The following PRELP variants were observed in gnomAD, a reference collection of about 807,000 sequenced individuals.
The protein encoded by PRELP is prolargin.
Under a neutral mutation model 22.8 loss-of-function variants are expected in PRELP, and 16 were observed. The ratio of observed to expected loss-of-function variants is 0.70; its 90% CI spans 0.47 to 1.06. PRELP has a LOEUF of 1.06. Among genes scored for constraint, PRELP ranks in the 50% least tolerant of loss-of-function variants. PRELP has a pLI of 0.00. For missense variants in PRELP, 434 were observed against 485.2 expected (o/e 0.89, Z 0.99); for synonymous variants, 233 against 211.4 (o/e 1.10, Z -0.89).
intron 2 of PRELP, 145 bp downstream of exon 2, chr1:203,484,302 C>T: frequency 7.7e-7 from 1 of 1,295,068 alleles, no homozygotes; most frequent in South Asian, 1.6e-5. Flanking sequence ...TTGCCACTTG[C>T]TATCTGGGTG....
chr1:203,486,771 GA>G lies in PRELP; in HGVS notation c.1040del (p.Glu347GlyfsTer16). 6.2e-7 allele frequency: 1 copy of G among 1,614,140 alleles called. No individual in the cohort carries two copies. Among genetic ancestry groups the G allele is most frequent in the South Asian group, 1.1e-5 (1 of 91,076 alleles). ...VAFHDFSSDLENVPHLRYLRL... is the reference protein window; with the variant it reads ...VAFHDFSSDLXNVPHLRYLRL... ...GTTCCATGACTTCTCCTCGGACCTGGAGAACGTGCCACACCTGCGCTACCTG... is the reference window on the plus strand; with the variant it reads ...GTTCCATGACTTCTCCTCGGACCTGGGAACGTGCCACACCTGCGCTACCTG... On this transcript the variant is annotated frameshift_variant, in exon 3 of 3. Coordinates refer to ENST00000343110, the MANE Select transcript of PRELP (RefSeq NM_002725.4). LOFTEE classifies it high-confidence loss of function.
chr1:203,487,172 C>G lies in PRELP; in HGVS notation c.*291C>G. 3.2e-6 allele frequency: 1 copy of G among 308,544 alleles called. No homozygotes were observed. The highest frequency in any genetic ancestry group is 6.0e-6 in the Non-Finnish European group (1 of 165,804). 19.1% of individuals were successfully genotyped at this position (308,544 alleles called of 1,614,324 possible). A position where few individuals can be genotyped will look rare whatever the true frequency, so the allele number is the denominator to read the frequency against. ...ACAGATGTGTCTAAAGACTTGGTGT[C>G]CCCTTCTCTCTCCTCCCCCACCCGC... On this transcript the variant is annotated 3_prime_UTR_variant, in exon 3 of 3. Coordinates refer to ENST00000343110, the MANE Select transcript of PRELP (RefSeq NM_002725.4).
intron 1 of PRELP, among the ~76,000 whole-genome samples, chr1:203,482,591 C>CTTTTTTTTTTTT (rs58787817): frequency 1.6e-4 from 8 of 51,076 alleles, no homozygotes; most frequent in Non-Finnish European, 2.3e-4. Flanking sequence ...CCCAATGTGC[C>CTTTTTTTTTTTT]TTTTTTTTTT....
At chr1:203,485,773 G>T (rs75151875) in intron 2 of PRELP, among the ~76,000 whole-genome samples, 2,997 of 152,206 alleles carry the variant, frequency 0.02, 94 homozygotes, top group African/African-American at 0.068. Context: ...CTCCATAAAT[G>T]ATAAGTGAGG....
rs777372760 is a variant in PRELP, at chr1:203,486,847, T to C, written c.1115T>C (p.Met372Thr). 2 of 1,614,174 alleles carry C rather than the reference T, an allele frequency of 1.2e-6. No homozygotes were observed. The highest frequency in any genetic ancestry group is 1.1e-5 in the South Asian group (1 of 91,066). The change falls in exon 3 of 3, where the codon ATG becomes ACG. Residue 372 changes from methionine to threonine, a missense_variant. Transcript: ENST00000343110. Reference protein sequence around the residue: ...LKPPIPLDLMMCFRLLQSVVI With the variant: ...LKPPIPLDLMTCFRLLQSVVI The stretch of plus-strand genomic sequence containing the variant: ...CCGCCCATCCCGCTGGACCTCATGA[T>C]GTGCTTCCGCCTCCTGCAGTCCGTG...
In PRELP at chr1:203,488,642, T is replaced by A. The variant is rs1661139286; in HGVS notation, c.*1761T>A. 1 of 152,210 alleles carries A rather than the reference T, an allele frequency of 6.6e-6. No homozygotes were observed. The highest frequency in any genetic ancestry group is 1.5e-5 in the Non-Finnish European group (1 of 68,036). 9.4% of individuals were successfully genotyped at this position (152,210 alleles called of 1,614,324 possible). ...AGTCCTAAATATTTGCCCCTTCCCT[T>A]GCAGTAATTTATTTTCTGTATGGAC... On this transcript the variant is annotated 3_prime_UTR_variant, in exon 3 of 3. Transcript: ENST00000343110.
At position 203,488,051 on chromosome 1, in the gene PRELP, G is replaced by A. The variant is rs1162301145; in HGVS notation, c.*1170G>A. The stretch of plus-strand genomic sequence containing the variant: ...GGGTCCCAACACGGAAGAGCCATGG[G>A]CCGTGTGCATGGTGTCGCTCTCCTC... On this transcript the variant is annotated 3_prime_UTR_variant, in exon 3 of 3. Transcript: ENST00000343110. 1 of 152,284 alleles carries A rather than the reference G, an allele frequency of 6.6e-6. No homozygotes were observed. The highest frequency in any genetic ancestry group is 1.5e-5 in the Non-Finnish European group (1 of 68,084). The allele number at this position is 152,284 out of a possible 1,614,324, so 9.4% of individuals were successfully genotyped here.
intron 1 of PRELP, among the ~76,000 whole-genome samples, chr1:203,482,208 GC>G (rs1300684684): frequency 6.6e-6 from 1 of 151,986 alleles, no homozygotes; most frequent in East Asian, 1.9e-4. Context: ...AGGACTGAGG[GC>G]CAGAGTGGTT....
chr1:203,479,490 C>T (rs540864118), intron 1 of PRELP, among the ~76,000 whole-genome samples: 2 of 152,054 alleles, frequency 1.3e-5, no homozygotes, highest in Non-Finnish European at 2.9e-5. Context: ...ATCACTTGAG[C>T]TCAGGGGTTG....
intron 2 of PRELP, 118 bp downstream of exon 2, chr1:203,484,275 G>A: frequency 7.0e-7 from 1 of 1,419,476 alleles, no homozygotes; most frequent in Non-Finnish European, 9.4e-7. Context: ...TTTGGCACTG[G>A]ACTTCAATTC....
chr1:203,480,733 A>G (rs1246516131), intron 1 of PRELP, among the ~76,000 whole-genome samples: 3 of 152,238 alleles, frequency 2.0e-5, no homozygotes, highest in South Asian at 2.1e-4. Context: ...GCTTCCCCAC[A>G]TAACTTGCTC....
At chr1:203,485,715 G>A (rs769539524) in intron 2 of PRELP, among the ~76,000 whole-genome samples, 5 of 151,922 alleles carry the variant, frequency 3.3e-5, no homozygotes, top group African/African-American at 7.3e-5. Context: ...AAAAGGAAGA[G>A]GAAGACAATT....
In PRELP at chr1:203,483,389, A is replaced by G. The variant is rs1661039829; in HGVS notation, c.205A>G (p.Ile69Val). The part of the protein sequence containing the change: ...PPPLPPGPPS[I>V]FPDCPRECYC... ...TCCCCTCCCTCCAGGCCCTCCATCT[A>G]TCTTCCCTGACTGTCCCCGCGAATG... Residue 69 changes from isoleucine to valine, a missense_variant, in exon 2 of 3, where the codon ATC (isoleucine) becomes GTC (valine). Transcript: ENST00000343110. The surrounding 1 kb of genome is among the most constrained non-coding windows in gnomAD (Gnocchi z 4.4). 2 of 1,613,744 alleles carry G rather than the reference A, an allele frequency of 1.2e-6. No homozygotes were observed. The highest frequency in any genetic ancestry group is 2.7e-5 in the African/African-American group (2 of 74,808).
rs139559560 is a variant in PRELP at position 203,480,127 on chromosome 1, G to A, written c.-16-3042G>A. 1.6e-3 allele frequency among the ~76,000 whole-genome samples: 250 copies of A among 152,232 alleles called. 1 individual carries two copies. Among genetic ancestry groups the A allele is most frequent in the African/African-American group, 5.6e-3 (233 of 41,534 alleles). ...AAAAATTAAGATTCTCTTAGGAAAC[G>A]TTCTTTAATGTGGAGAGTGAATGTT... On this transcript the variant is annotated intron_variant, in intron 1 of 2. Coordinates refer to ENST00000343110, the MANE Select transcript of PRELP (RefSeq NM_002725.4).
Position 203,484,062 on chromosome 1 carries a change from T to A in PRELP, c.878T>A (p.Leu293Gln). ...AAGAACTCCTTTAATATCTCCAACC[T>A]GCTTGTGCTCCACCTGTCCCACAAC... is the stretch of plus-strand genomic sequence containing the variant. ...LPKNSFNISN[L>Q]LVLHLSHNRI... is the part of the protein sequence containing the mutation. The change falls in exon 2 of 3, where the codon CTG (leucine) becomes CAG (glutamine). Residue 293 changes from leucine to glutamine, a missense_variant. Coordinates refer to ENST00000343110, the MANE Select transcript of PRELP (RefSeq NM_002725.4). The A allele has an allele frequency of 6.2e-7, 1 of 1,614,098 alleles. No individual in the cohort carries two copies. The highest frequency in any genetic ancestry group is 8.5e-7 in the Non-Finnish European group (1 of 1,180,022).
Position 203,483,171 on chromosome 1 carries a change from G to T in PRELP, c.-14G>T, listed in dbSNP as rs772920853. 2.6e-6 allele frequency: 4 copies of T among 1,524,998 alleles called. No individual in the cohort carries two copies. In the African/African-American group the frequency reaches 4.2e-5, roughly 16 times the overall value. The allele number at this position is 1,524,998 out of a possible 1,614,324, so 94.5% of individuals were successfully genotyped here. A position where few individuals can be genotyped will look rare whatever the true frequency, so the allele number is the denominator to read the frequency against. On this transcript the variant is annotated splice_region_variant and 5_prime_UTR_variant, in exon 2 of 3. Coordinates refer to ENST00000343110, the MANE Select transcript of PRELP (RefSeq NM_002725.4). The surrounding 1 kb of genome is among the most constrained non-coding windows in gnomAD (Gnocchi z 4.4). ...CCTTATGTGTCTTCTCCCTGCAGGT[G>T]CATCACCTGGATCATGAGGTCACCC...
At chr1:203,477,443 T>C (rs1660929701) in intron 1 of PRELP, among the ~76,000 whole-genome samples, 1 of 152,076 alleles carries the variant, frequency 6.6e-6, no homozygotes. Context: ...CAAGCAGCCA[T>C]ATATACCACA....
At chr1:203,485,911 A>G (rs1661085276) in intron 2 of PRELP, among the ~76,000 whole-genome samples, 1 of 152,174 alleles carries the variant, frequency 6.6e-6, no homozygotes, top group African/African-American at 2.4e-5. Flanking sequence ...TAGGCTCATC[A>G]TGTCCCGGGG....
intron 1 of PRELP, among the ~76,000 whole-genome samples, chr1:203,481,012 A>ACCCTG (rs1553299743): frequency 0.18 from 26,735 of 150,366 alleles, 2,811 homozygotes; most frequent in African/African-American, 0.29. Context: ...AGCCAAGGAA[A>ACCCTG]CCCCGCCCCG....
Sources: allele counts gnomAD v4.1 joint callset (sites outside exome capture counted in the v4.1 genomes callset), GRCh38; gene constraint gnomAD v4.1.1; non-coding constraint Gnocchi (gnomAD v3.1); transcripts MANE v1.5; gene names NCBI Gene and HGNC (gene_info 2026-07-23, HGNC 2026-07-21).